The following PAX7 variants were observed in gnomAD, a reference collection of about 807,000 sequenced individuals.
PAX7 encodes paired box protein Pax-7.
A neutral mutation model predicts 50.7 loss-of-function variants in PAX7; 18 were observed. The ratio of observed to expected loss-of-function variants is 0.36; its 90% CI spans 0.25 to 0.53. PAX7 has a LOEUF of 0.53. Among genes scored for constraint, PAX7 ranks in the 20% least tolerant of loss-of-function variants. The pLI is 0.93. For synonymous variants in PAX7, 310 were observed against 290.4 expected (o/e 1.07, Z -0.69); for missense variants, 644 against 702.9 (o/e 0.92, Z 0.95).
intron 7 of PAX7, among the ~76,000 whole-genome samples, chr1:18,720,711 T>C (rs1389061788): frequency 6.9e-6 from 1 of 145,842 alleles, no homozygotes; most frequent in Admixed American, 6.9e-5. Context: ...TGGTGGAGAC[T>C]GGGGGGAGAG....
chr1:18,729,701 C>T (rs1209454471), intron 7 of PAX7, among the ~76,000 whole-genome samples: 1 of 152,020 alleles, frequency 6.6e-6, no homozygotes, highest in Non-Finnish European at 1.5e-5. Context: ...GGATTCCAGG[C>T]CTTGCTCAGC....
In PAX7 at chr1:18,691,846, G is replaced by A. The variant is rs144928234; in HGVS notation, c.679G>A (p.Glu227Lys). 23 of 1,613,766 alleles carry A rather than the reference G, an allele frequency of 1.4e-5. No individual in the cohort carries two copies. The African/African-American group carries it at 1.6e-4, about 11-fold the overall frequency. The change falls in exon 5 of 9, where the codon GAG becomes AAG. Residue 227 changes from glutamate to lysine, a missense_variant. By Grantham distance (56) the Glu-to-Lys change is moderately conservative (BLOSUM62 1). Transcript: ENST00000420770. ...ACGCAGTCGGACCACATTCACGGCC[G>A]AGCAGCTGGAGGAGCTGGAGAAGGC... The part of the protein sequence containing the change: ...QRRSRTTFTA[E>K]QLEELEKAFE...
intron 8 of PAX7, among the ~76,000 whole-genome samples, chr1:18,737,115 G>A (rs769173454): frequency 7.2e-5 from 11 of 152,256 alleles, no homozygotes; most frequent in Admixed American, 2.0e-4. Context: ...AGCCTCCACC[G>A]CCTGGCAAGG....
chr1:18,701,228 A>G (rs1426455261), intron 6 of PAX7, among the ~76,000 whole-genome samples: 1 of 152,192 alleles, frequency 6.6e-6, no homozygotes, highest in Non-Finnish European at 1.5e-5. Flanking sequence ...GAGGGAAAGG[A>G]ACGGATTCTG....
In PAX7 at chr1:18,634,233, T is replaced by C; in HGVS notation, c.86-70T>C. ...AACAAACAAAACTGGAGTCAGGGAG[T>C]GTACTCAGTGTCTGCTCTCCATCCT... On this transcript the variant is annotated intron_variant, in intron 1 of 8. Transcript: ENST00000420770. This position sits in a 1 kb window ranked among gnomAD's most constrained non-coding sequence, Gnocchi z 4.0. 1.6e-6 allele frequency: 2 copies of C among 1,239,592 alleles called. No individual in the cohort carries two copies. Among genetic ancestry groups the C allele is most frequent in the Non-Finnish European group, 1.1e-6 (1 of 873,070 alleles). The allele number at this position is 1,239,592 out of a possible 1,614,324, so 76.8% of individuals were successfully genotyped here. A position where few individuals can be genotyped will look rare whatever the true frequency, so the allele number is the denominator to read the frequency against.
chr1:18,692,038 G>A, intron 5 of PAX7, 85 bp downstream of exon 5: 1 of 1,278,056 alleles, frequency 7.8e-7, no homozygotes, highest in Non-Finnish European at 1.1e-6. Flanking sequence ...TGGGTTTAAT[G>A]GGACCCCTCG....
intron 7 of PAX7, among the ~76,000 whole-genome samples, chr1:18,733,841 G>A (rs1373012957): frequency 2.6e-5 from 4 of 152,184 alleles, no homozygotes; most frequent in African/African-American, 7.2e-5. Context: ...AGGGTCAGGC[G>A]AACTGAGCCC....
chr1:18,686,890 A>G (rs531781464), intron 4 of PAX7, among the ~76,000 whole-genome samples: 1,002 of 24,440 alleles, frequency 0.041, 9 homozygotes, highest in Admixed American at 0.07. Context: ...TTATTTTATT[A>G]TTATTATTAT....
intron 4 of PAX7, among the ~76,000 whole-genome samples, chr1:18,661,619 A>T (rs1000740547): frequency 2.6e-5 from 4 of 152,190 alleles, no homozygotes; most frequent in African/African-American, 9.7e-5. Flanking sequence ...AACAACACCC[A>T]CCTCACAGTG....
chr1:18,691,679 G>T (rs2089071973), intron 4 of PAX7, 75 bp from the exon 5 acceptor site: 3 of 1,366,122 alleles, frequency 2.2e-6, no homozygotes, highest in Non-Finnish European at 3.0e-6. Flanking sequence ...TGTGCCTTGT[G>T]CTCTCCTCCC....
intron 7 of PAX7, among the ~76,000 whole-genome samples, chr1:18,708,520 G>A (rs1288609691): frequency 6.6e-6 from 1 of 152,056 alleles, no homozygotes; most frequent in African/African-American, 2.4e-5. Flanking sequence ...GTGCCACTGT[G>A]CGCCAGCCTA....
chr1:18,639,338 C>T (rs1218168442), intron 4 of PAX7, among the ~76,000 whole-genome samples: 1 of 151,966 alleles, frequency 6.6e-6, no homozygotes, highest in African/African-American at 2.4e-5. Flanking sequence ...TGTGCACTTT[C>T]ATCTCTGAAC....
chr1:18,656,809 A>G (rs994582115), intron 4 of PAX7, among the ~76,000 whole-genome samples: 1 of 151,998 alleles, frequency 6.6e-6, no homozygotes, highest in African/African-American at 2.4e-5. Context: ...AGCCTGGGTG[A>G]CACGAACCCT....
intron 7 of PAX7, among the ~76,000 whole-genome samples, chr1:18,708,808 G>A (rs376996318): frequency 1.0e-3 from 158 of 152,148 alleles, no homozygotes; most frequent in African/African-American, 3.5e-3. Flanking sequence ...ATAGTCTGAC[G>A]GAAGAGACAA....
chr1:18,732,601 G>A (rs1328384672), intron 7 of PAX7, among the ~76,000 whole-genome samples: 4 of 152,238 alleles, frequency 2.6e-5, no homozygotes, highest in Non-Finnish European at 5.9e-5. Context: ...AAGGTAAAGT[G>A]CAGGGTAGAA....
chr1:18,724,988 C>A (rs1179540902), intron 7 of PAX7, among the ~76,000 whole-genome samples: 1 of 152,194 alleles, frequency 6.6e-6, no homozygotes, highest in African/African-American at 2.4e-5. Context: ...TGGCAGTCCG[C>A]CTGCACAAAG....
chr1:18,632,140 A>G lies in PAX7; in HGVS notation c.85+452A>G, dbSNP rs893132942. Among the ~76,000 whole-genome samples the G allele has an allele frequency of 6.6e-5, 10 of 151,986 alleles. No homozygotes were observed. The highest frequency in any genetic ancestry group is 5.9e-4 in the Admixed American group (9 of 15,270). On this transcript the variant is annotated intron_variant, in intron 1 of 8. Transcript: ENST00000420770. The surrounding 1 kb of genome is among the most constrained non-coding windows in gnomAD (Gnocchi z 6.3). ...AGTCCTTTATTTCGAACCACCTACC[A>G]TGGGTGATACTTTATATGCCTCAAC...
rs1359633217 is a variant in PAX7 at position 18,726,029 on chromosome 1, T to TG, written c.1156-9603_1156-9602insG. 4.6e-5 allele frequency among the ~76,000 whole-genome samples: 7 copies of TG among 150,818 alleles called. No homozygotes were observed. The highest frequency in any genetic ancestry group is 1.7e-4 in the African/African-American group (7 of 41,230). Reference sequence around the variant, plus strand: ...GCGTGCGCGCGTGTGTGTGCGTGTGTTTGTGTGTGTGTGTGTCTTTGACTT... The same window carrying TG: ...GCGTGCGCGCGTGTGTGTGCGTGTGTGTTGTGTGTGTGTGTGTCTTTGACTT... On this transcript the variant is annotated intron_variant, in intron 7 of 8. Transcript: ENST00000420770. The surrounding 1 kb of genome is among the most constrained non-coding windows in gnomAD (Gnocchi z 4.8).
chr1:18,725,664 A>C (rs895397164), intron 7 of PAX7, among the ~76,000 whole-genome samples: 13 of 152,214 alleles, frequency 8.5e-5, no homozygotes, highest in Admixed American at 8.5e-4. Flanking sequence ...CATTATCTTT[A>C]AATAGTCATA....
Sources: gnomAD v4.1 joint callset for allele counts (sites outside exome capture counted in the v4.1 genomes callset) on GRCh38, gnomAD v4.1.1 for gene constraint, Gnocchi (gnomAD v3.1) non-coding constraint, MANE v1.5 for transcripts, NCBI Gene and HGNC (gene_info 2026-07-23, HGNC 2026-07-21) for gene names.